The following BMP5 variants were observed in gnomAD, a reference collection of about 807,000 sequenced individuals.
BMP5 encodes bone morphogenetic protein 5.
Under a neutral mutation model 46.6 loss-of-function variants are expected in BMP5, and 23 were observed. That is an observed-to-expected ratio of 0.49 (90% CI 0.35 to 0.70). BMP5 has a LOEUF of 0.70. Among genes scored for constraint, BMP5 ranks in the 30% least tolerant of loss-of-function variants. The probability of loss-of-function intolerance (pLI) is 0.00; values close to 1 mark genes in which losing one functional copy is unlikely to be tolerated. For synonymous variants in BMP5, 204 were observed against 191.9 expected (o/e 1.06, Z -0.52); for missense variants, 545 against 565.6 (o/e 0.96, Z 0.37).
At position 55,864,644 on chromosome 6, in the gene BMP5, A is replaced by G. The variant is rs80261769; in HGVS notation, c.490+9732T>C. On this transcript the variant is annotated intron_variant, in intron 1 of 6. Coordinates refer to ENST00000370830, the MANE Select transcript of BMP5 (RefSeq NM_021073.4). ...CAACACAAACAGACTGAGACATCATATTAATGACTTATCTTCCAGCATTTT... is the reference window on the plus strand; with the variant it reads ...CAACACAAACAGACTGAGACATCATGTTAATGACTTATCTTCCAGCATTTT... 9.9e-3 allele frequency among the ~76,000 whole-genome samples: 1,501 copies of G among 152,320 alleles called. 22 individuals carry two copies. The highest frequency in any genetic ancestry group is 0.034 in the African/African-American group (1,410 of 41,558).
Position 55,840,951 on chromosome 6 carries a change from G to A in BMP5, c.491-21104C>T, listed in dbSNP as rs527564969. On this transcript the variant is annotated intron_variant, in intron 1 of 6. Transcript: ENST00000370830. ...GTTGGTGGCCTGTAGGAACCAGGCCGCACAGCAGGAGAGGAGGTAAGCAGT... is the reference window on the plus strand; with the variant it reads ...GTTGGTGGCCTGTAGGAACCAGGCCACACAGCAGGAGAGGAGGTAAGCAGT... 1.1e-4 allele frequency among the ~76,000 whole-genome samples: 13 copies of A among 122,204 alleles called. No homozygotes were observed. The South Asian group carries it at 2.2e-3, about 21-fold the overall frequency. The allele number at this position is 122,204 out of a possible 152,430, so 80.2% of individuals were successfully genotyped here. A position where few individuals can be genotyped will look rare whatever the true frequency, so the allele number is the denominator to read the frequency against.
Position 55,755,611 on chromosome 6 carries a change from A to G in BMP5, c.1287T>C (p.Val429=). The change falls in exon 7 of 7, where the codon GTT becomes GTC. Residue 429 remains valine, a synonymous_variant. Coordinates refer to ENST00000370830, the MANE Select transcript of BMP5 (RefSeq NM_021073.4). The stretch of plus-strand genomic sequence containing the variant: ...CATTGGAGCTGTCATCAAAGTACAG[A>G]ACAGAGATGGCATTTAATTTGGTTG... ...CAPTKLNAIS[V]LYFDDSSNVI... is the part of the protein sequence containing the mutation. The G allele has an allele frequency of 6.2e-7, 1 of 1,612,318 alleles. No homozygotes were observed.
intron 2 of BMP5, among the ~76,000 whole-genome samples, chr6:55,816,651 G>A (rs199523197): frequency 1.3e-5 from 2 of 152,100 alleles, no homozygotes; most frequent in Non-Finnish European, 1.5e-5. Context: ...AATTACTGCT[G>A]TTAAAAATAA....
intron 2 of BMP5, among the ~76,000 whole-genome samples, chr6:55,798,603 G>A (rs987010789): frequency 6.6e-5 from 10 of 151,952 alleles, no homozygotes; most frequent in African/African-American, 1.2e-4. Flanking sequence ...TACAGAGTCA[G>A]GTTTAACAGA....
Position 55,755,490 on chromosome 6 carries a change from A to T in BMP5, c.*43T>A. Reference sequence around the variant, plus strand: ...AGTATGCTTTTTATTGCAGCCATAAACCTTAATACAGATCTTTTTGTTATT... The same window carrying T: ...AGTATGCTTTTTATTGCAGCCATAATCCTTAATACAGATCTTTTTGTTATT... On this transcript the variant is annotated 3_prime_UTR_variant, in exon 7 of 7. Coordinates refer to ENST00000370830, the MANE Select transcript of BMP5 (RefSeq NM_021073.4). The T allele has an allele frequency of 6.4e-7, 1 of 1,564,458 alleles. No individual in the cohort carries two copies. Among genetic ancestry groups the T allele is most frequent in the Non-Finnish European group, 8.8e-7 (1 of 1,141,822 alleles).
At chr6:55,764,571 C>CA (rs57293392) in intron 4 of BMP5, among the ~76,000 whole-genome samples, 3,311 of 109,866 alleles carry the variant, frequency 0.03, 147 homozygotes, top group African/African-American at 0.099. Context: ...GACTCTGTCT[C>CA]AAAAAAAAAA....
chr6:55,805,917 T>C (rs1046101056), intron 2 of BMP5, among the ~76,000 whole-genome samples: 1 of 151,416 alleles, frequency 6.6e-6, no homozygotes, highest in South Asian at 2.1e-4. Flanking sequence ...GATGGGGTTA[T>C]TTTTTTTTCC....
chr6:55,872,250 GT>G (rs1777804807), intron 1 of BMP5, among the ~76,000 whole-genome samples: 1 of 151,588 alleles, frequency 6.6e-6, no homozygotes, highest in Non-Finnish European at 1.5e-5. Flanking sequence ...ATCAGAATCA[GT>G]TTGTCAGTAA....
chr6:55,870,454 T>C (rs1015079015), intron 1 of BMP5, among the ~76,000 whole-genome samples: 33 of 151,488 alleles, frequency 2.2e-4, no homozygotes, highest in African/African-American at 6.5e-4. Flanking sequence ...TAGCATTAGT[T>C]ACTCCAGGCA....
At chr6:55,798,697 G>A (rs60220346) in intron 2 of BMP5, among the ~76,000 whole-genome samples, 2,916 of 152,194 alleles carry the variant, frequency 0.019, 88 homozygotes, top group African/African-American at 0.066. Context: ...AAGGTGAATA[G>A]TAATATATAA....
At chr6:55,768,233 A>C (rs1028070734) in intron 4 of BMP5, among the ~76,000 whole-genome samples, 1 of 151,956 alleles carries the variant, frequency 6.6e-6, no homozygotes, top group African/African-American at 2.4e-5. Context: ...CGCCTATCAA[A>C]TTTGAGAACA....
At chr6:55,834,897 A>G (rs968660165) in intron 1 of BMP5, among the ~76,000 whole-genome samples, 1 of 152,158 alleles carries the variant, frequency 6.6e-6, no homozygotes, top group Non-Finnish European at 1.5e-5. Flanking sequence ...CCTGGCTAAC[A>G]TGGCGAATCC....
intron 2 of BMP5, among the ~76,000 whole-genome samples, chr6:55,808,980 A>G (rs1776058390): frequency 6.6e-6 from 1 of 152,134 alleles, no homozygotes; most frequent in Non-Finnish European, 1.5e-5. Context: ...AGGAACCACA[A>G]TCATAGATGG....
chr6:55,843,451 C>T (rs1204023744), intron 1 of BMP5, among the ~76,000 whole-genome samples: 1 of 151,998 alleles, frequency 6.6e-6, no homozygotes. Flanking sequence ...TCTGATCATA[C>T]TTATTGTAGT....
intron 3 of BMP5, among the ~76,000 whole-genome samples, chr6:55,791,150 G>A (rs923918323): frequency 2.0e-5 from 3 of 150,940 alleles, no homozygotes; most frequent in East Asian, 1.9e-4. Context: ...CTGAAGCAAT[G>A]TCACATTGAG....
intron 3 of BMP5, among the ~76,000 whole-genome samples, chr6:55,776,180 A>G (rs576985670): frequency 1.3e-5 from 2 of 151,878 alleles, no homozygotes; most frequent in African/African-American, 4.8e-5. Flanking sequence ...TTTTAGAAAA[A>G]CTCTATCACT....
chr6:55,818,168 G>T (rs1776322030), intron 2 of BMP5, among the ~76,000 whole-genome samples: 1 of 152,034 alleles, frequency 6.6e-6, no homozygotes, highest in Non-Finnish European at 1.5e-5. Flanking sequence ...TTTGGGTTCT[G>T]GTTGTCTACA....
rs200941967 is a variant in BMP5 at position 55,874,735 on chromosome 6, C to T, written c.131G>A (p.Arg44Gln). The change falls in exon 1 of 7, where the codon CGG becomes CAG. Residue 44 changes from arginine to glutamine, a missense_variant. By Grantham distance (43) the Arg-to-Gln change is conservative. Coordinates refer to ENST00000370830, the MANE Select transcript of BMP5 (RefSeq NM_021073.4). ...TTGTATTTCCCGTCTTTCGTGGTTC[C>T]GTAGTCTTCTATAAATAAAACTGGA... ...VHSSFIYRRL[R>Q]NHERREIQRE... 26 of 1,613,428 alleles carry T rather than the reference C, an allele frequency of 1.6e-5. No individual in the cohort carries two copies. Among genetic ancestry groups the T allele is most frequent in the Admixed American group, 6.7e-5 (4 of 59,906 alleles).
At chr6:55,816,762 A>G (rs538216141) in intron 2 of BMP5, among the ~76,000 whole-genome samples, 12 of 152,256 alleles carry the variant, frequency 7.9e-5, no homozygotes, top group Admixed American at 7.9e-4. Context: ...ATAGCCAGAT[A>G]ATTTTGAGGA....
Sources: gnomAD v4.1 joint callset for allele counts (sites outside exome capture counted in the v4.1 genomes callset) on GRCh38, gnomAD v4.1.1 for gene constraint, MANE v1.5 for transcripts, NCBI Gene and HGNC (gene_info 2026-07-23, HGNC 2026-07-21) for gene names.